Variants in RIMS2 observed in about 807,000 individuals in gnomAD.
The protein encoded by RIMS2 is regulating synaptic membrane exocytosis protein 2.
RIMS2 carries 59 observed loss-of-function variants against 174.4 expected under a neutral mutation model. The observed-to-expected ratio is 0.34, with a 90% CI of 0.27 to 0.42. The LOEUF (loss-of-function observed/expected upper bound fraction) is 0.42, where lower values mean the gene tolerates loss of function less well. Among genes scored for constraint, RIMS2 ranks in the 10% least tolerant of loss-of-function variants. RIMS2 has a pLI of 1.00. For missense variants in RIMS2, 1,620 were observed against 1,666.3 expected (o/e 0.97, Z 0.48); for synonymous variants, 606 against 572.5 (o/e 1.06, Z -0.84).
At chr8:103,795,621 A>T (rs1363092624) in intron 3 of RIMS2, among the ~76,000 whole-genome samples, 1 of 151,890 alleles carries the variant, frequency 6.6e-6, no homozygotes, top group South Asian at 2.1e-4. Flanking sequence ...AAAAAAGAGG[A>T]TAAGCCTGTA....
At chr8:103,529,200 AT>A (rs1448355500) in intron 1 of RIMS2, among the ~76,000 whole-genome samples, 2 of 151,880 alleles carry the variant, frequency 1.3e-5, no homozygotes, top group Non-Finnish European at 2.9e-5. Flanking sequence ...TTTGTCTGTT[AT>A]TGGTGTATAA....
At chr8:103,963,541 T>G (rs1163054402) in intron 15 of RIMS2, among the ~76,000 whole-genome samples, 1 of 152,214 alleles carries the variant, frequency 6.6e-6, no homozygotes, top group Non-Finnish European at 1.5e-5. Context: ...TATGTGTTTT[T>G]TTAAATTTTA....
At chr8:103,983,677 G>A (rs756088437) in intron 16 of RIMS2, among the ~76,000 whole-genome samples, 25 of 152,176 alleles carry the variant, frequency 1.6e-4, no homozygotes, top group Middle Eastern at 3.4e-3. Context: ...AATCGTGCTG[G>A]GAACACTGGA....
intron 3 of RIMS2, among the ~76,000 whole-genome samples, chr8:103,775,586 T>C (rs2154430364): frequency 6.6e-6 from 1 of 152,286 alleles, no homozygotes; most frequent in Non-Finnish European, 1.5e-5. Flanking sequence ...GAGAGAAAGC[T>C]GTAATAATTA....
At chr8:103,627,535 T>A (rs1047284381) in intron 1 of RIMS2, among the ~76,000 whole-genome samples, 25 of 152,236 alleles carry the variant, frequency 1.6e-4, no homozygotes, top group Non-Finnish European at 3.2e-4. Flanking sequence ...TCACAATTTA[T>A]GTTCAGAGAC....
intron 1 of RIMS2, among the ~76,000 whole-genome samples, chr8:103,562,503 G>A (rs575880206): frequency 1.1e-4 from 16 of 152,308 alleles, no homozygotes; most frequent in Admixed American, 9.8e-4. Flanking sequence ...GCAAGAGGTG[G>A]GTTCCCATGG....
intron 3 of RIMS2, among the ~76,000 whole-genome samples, chr8:103,872,295 A>G (rs1026232181): frequency 3.9e-5 from 6 of 152,168 alleles, no homozygotes; most frequent in Admixed American, 1.3e-4. Flanking sequence ...ATTTCATCAG[A>G]TAACCTGCAC....
At chr8:103,859,398 C>A (rs187746548) in intron 3 of RIMS2, among the ~76,000 whole-genome samples, 1 of 152,014 alleles carries the variant, frequency 6.6e-6, no homozygotes, top group African/African-American at 2.4e-5. Context: ...TCCCACCCCC[C>A]ACTGAAGGCC....
chr8:103,766,596 G>C (rs1237503610), intron 3 of RIMS2, 59 bp downstream of exon 6: 5 of 1,129,288 alleles, frequency 4.4e-6, no homozygotes, highest in African/African-American at 3.1e-5. Context: ...ATTCCAAACA[G>C]AGATAACAAT....
At chr8:104,128,525 C>G (rs1433530658) in intron 19 of RIMS2, among the ~76,000 whole-genome samples, 1 of 151,990 alleles carries the variant, frequency 6.6e-6, no homozygotes, top group Non-Finnish European at 1.5e-5. Context: ...GGAGAAACAC[C>G]CATCTCTACT....
At chr8:104,134,395 G>A (rs2098501196) in intron 19 of RIMS2, among the ~76,000 whole-genome samples, 1 of 152,172 alleles carries the variant, frequency 6.6e-6, no homozygotes, top group Non-Finnish European at 1.5e-5. Flanking sequence ...AACCCGGGAG[G>A]CGGAGCTTGC....
intron 1 of RIMS2, among the ~76,000 whole-genome samples, chr8:103,629,425 A>G (rs2095861156): frequency 6.6e-6 from 1 of 152,218 alleles, no homozygotes; most frequent in South Asian, 2.1e-4. Context: ...ATAACACATA[A>G]GTGGGGCAGA....
chr8:103,777,291 C>A (rs28716856), intron 3 of RIMS2, among the ~76,000 whole-genome samples: 38 of 151,824 alleles, frequency 2.5e-4, no homozygotes, highest in African/African-American at 8.7e-4. Context: ...GAAGAGAGAC[C>A]TTACAAACAG....
chr8:104,172,343 GA>G (rs961220762), intron 19 of RIMS2, among the ~76,000 whole-genome samples: 3 of 152,088 alleles, frequency 2.0e-5, no homozygotes, highest in Non-Finnish European at 2.9e-5. Flanking sequence ...ATACATGGTA[GA>G]AATGGGAGGT....
chr8:103,793,588 A>C (rs1251421976), intron 3 of RIMS2, among the ~76,000 whole-genome samples: 8 of 152,210 alleles, frequency 5.3e-5, no homozygotes, highest in Non-Finnish European at 1.2e-4. Flanking sequence ...CAGGGCAATC[A>C]GGCAGGAGAA....
chr8:103,785,046 T>C, intron 3 of RIMS2, among the ~76,000 whole-genome samples: 1 of 141,326 alleles, frequency 7.1e-6, no homozygotes, highest in Non-Finnish European at 1.5e-5. Flanking sequence ...GAATGGGAGT[T>C]CACTCATGAT....
At chr8:103,684,442 A>G (rs2096915213) in intron 1 of RIMS2, among the ~76,000 whole-genome samples, 1 of 152,160 alleles carries the variant, frequency 6.6e-6, no homozygotes, top group African/African-American at 2.4e-5. Flanking sequence ...AAACAACATA[A>G]AATTCAAATT....
chr8:104,017,851 G>T (rs889434544), intron 19 of RIMS2, among the ~76,000 whole-genome samples: 8 of 152,102 alleles, frequency 5.3e-5, no homozygotes, highest in African/African-American at 1.9e-4. Context: ...TGAGGTGGGT[G>T]GATTGCTTGA....
intron 23 of RIMS2, 129 bp from the exon 30 acceptor site, chr8:104,251,473 T>C: frequency 6.1e-6 from 4 of 653,386 alleles, no homozygotes; most frequent in African/African-American, 1.8e-5. Flanking sequence ...TATTCTATTA[T>C]GCAGATTTTA....
Sources: allele counts gnomAD v4.1 joint callset (sites outside exome capture counted in the v4.1 genomes callset), GRCh38; gene constraint gnomAD v4.1.1; transcripts MANE v1.5; gene names NCBI Gene and HGNC (gene_info 2026-07-23, HGNC 2026-07-21).